The following ASXL3 variants were observed in gnomAD, a reference collection of about 807,000 sequenced individuals.
ASXL3 encodes the protein putative Polycomb group protein ASXL3.
Under a neutral mutation model 170.6 loss-of-function variants are expected in ASXL3, and 34 were observed. The observed-to-expected ratio is 0.20, with a 90% CI of 0.15 to 0.27. The LOEUF is 0.27. ASXL3 is among the 10% of genes least tolerant of loss of function. The pLI, the probability that ASXL3 is intolerant of heterozygous loss-of-function variation, is 1.00. For synonymous variants in ASXL3, 1,002 were observed against 989.1 expected (o/e 1.01, Z -0.24); for missense variants, 2,592 against 2,695.3 (o/e 0.96, Z 0.85).
chr18:33,695,706 C>T (rs1247198867), intron 8 of ASXL3, among the ~76,000 whole-genome samples: 1 of 152,076 alleles, frequency 6.6e-6, no homozygotes, highest in East Asian at 1.9e-4. Flanking sequence ...CACAAAATCA[C>T]TTAACCTGAA....
In ASXL3 at chr18:33,743,649, T is replaced by C. The variant is rs759044957; in HGVS notation, c.3801T>C (p.Val1267=). 3.1e-6 allele frequency: 5 copies of C among 1,613,654 alleles called. No homozygotes were observed. The highest frequency in any genetic ancestry group is 1.3e-5 in the African/African-American group (1 of 74,928). Residue 1267 remains valine, a synonymous_variant, in exon 12 of 12, where the codon GTT becomes GTC. Coordinates refer to ENST00000269197, the MANE Select transcript of ASXL3 (RefSeq NM_030632.3). ...SVDKSSVLMS[V]DSANTTISAC... ...ATAAATCCTCTGTCCTAATGTCTGT[T>C]GACAGTGCAAACACTACAATTTCTG...
chr18:33,736,867 A>G (rs1400339416), intron 10 of ASXL3, among the ~76,000 whole-genome samples: 1 of 152,170 alleles, frequency 6.6e-6, no homozygotes, highest in Non-Finnish European at 1.5e-5. Flanking sequence ...AAATGTTGAC[A>G]TGGGTATATT....
chr18:33,727,018 T>A (rs1018253970), intron 8 of ASXL3, among the ~76,000 whole-genome samples: 12 of 152,194 alleles, frequency 7.9e-5, no homozygotes, highest in Non-Finnish European at 1.6e-4. Flanking sequence ...CTCAAATGTC[T>A]CTTATTAATT....
chr18:33,674,652 C>G (rs1352124614), intron 7 of ASXL3, among the ~76,000 whole-genome samples: 1 of 150,910 alleles, frequency 6.6e-6, no homozygotes, highest in Admixed American at 6.6e-5. Flanking sequence ...GAGTCTCGCT[C>G]TGTCGCTCCA....
intron 8 of ASXL3, among the ~76,000 whole-genome samples, chr18:33,701,049 C>CT (rs113402420): frequency 1.3e-3 from 193 of 148,182 alleles, no homozygotes; most frequent in Middle Eastern, 3.5e-3. Context: ...TGTTTTTTGT[C>CT]TTTTTTTTTT....
intron 2 of ASXL3, among the ~76,000 whole-genome samples, chr18:33,638,736 A>T (rs1456587555): frequency 6.6e-6 from 1 of 152,168 alleles, no homozygotes; most frequent in African/African-American, 2.4e-5. Flanking sequence ...AATCTCAGTC[A>T]TGTCTATAAA....
intron 2 of ASXL3, 110 bp downstream of exon 2, chr18:33,607,786 A>T: frequency 2.5e-6 from 2 of 803,154 alleles, no homozygotes; most frequent in Non-Finnish European, 3.9e-6. Context: ...TTGTGAATTA[A>T]CTCCCCACAA....
chr18:33,744,553 T>C lies in ASXL3; in HGVS notation c.4705T>C (p.Leu1569=). Residue 1569 remains leucine (L), a synonymous_variant, in exon 12 of 12, where the codon TTA becomes CTA. Coordinates refer to ENST00000269197, the MANE Select transcript of ASXL3 (RefSeq NM_030632.3). ...LRELPLVPDK[L]NEPTAPSHNF... ...AGAATTACCCCTTGTTCCAGATAAA[T>C]TAAATGAGCCGACTGCTCCCAGTCA... is the stretch of plus-strand genomic sequence containing the variant. 6.2e-7 allele frequency: 1 copy of C among 1,611,738 alleles called. No individual in the cohort carries two copies. Among genetic ancestry groups the C allele is most frequent in the South Asian group, 1.1e-5 (1 of 90,814 alleles).
intron 11 of ASXL3, among the ~76,000 whole-genome samples, chr18:33,740,843 A>T (rs2067650127): frequency 6.6e-6 from 1 of 151,890 alleles, no homozygotes; most frequent in Non-Finnish European, 1.5e-5. Context: ...ATTTTTTCTA[A>T]GTTTCTGCTC....
In ASXL3 at chr18:33,745,913, C is replaced by CG. The variant is rs2067776759; in HGVS notation, c.6065_6066insG (p.Pro2023SerfsTer25). The CG allele has an allele frequency of 1.3e-6, 2 of 1,578,964 alleles. No individual in the cohort carries two copies. The highest frequency in any genetic ancestry group is 1.7e-6 in the Non-Finnish European group (2 of 1,165,378). On this transcript the variant is annotated frameshift_variant, in exon 12 of 12. Transcript: ENST00000269197. LOFTEE classifies it high-confidence loss of function. Reference sequence around the variant, plus strand: ...CTAGTACATCCGCCGCCGCCACCGCCTCCCCCTCCCCCTCCACCCTTGGCT... The same window carrying CG: ...CTAGTACATCCGCCGCCGCCACCGCCGTCCCCCTCCCCCTCCACCCTTGGCT...
intron 8 of ASXL3, among the ~76,000 whole-genome samples, chr18:33,691,749 T>C (rs2066690044): frequency 6.6e-6 from 1 of 152,128 alleles, no homozygotes; most frequent in Admixed American, 6.6e-5. Context: ...GTCTGTAAGA[T>C]TTAGAGAAGG....
At chr18:33,711,844 A>AT (rs1411108133) in intron 8 of ASXL3, among the ~76,000 whole-genome samples, 3 of 152,188 alleles carry the variant, frequency 2.0e-5, no homozygotes, top group Admixed American at 2.0e-4. Context: ...AATCACTTAT[A>AT]TATCACTCAG....
At chr18:33,702,264 C>G (rs1206298840) in intron 8 of ASXL3, among the ~76,000 whole-genome samples, 1 of 152,046 alleles carries the variant, frequency 6.6e-6, no homozygotes, top group Non-Finnish European at 1.5e-5. Flanking sequence ...TTTCCAGTTT[C>G]TTTGCATATC....
In ASXL3 at chr18:33,673,214, A is replaced by G. The variant is rs577006749; in HGVS notation, c.715+1348A>G. On this transcript the variant is annotated intron_variant, in intron 7 of 11. Transcript: ENST00000269197. ...ATTTAAACATCTGCGGCCTTTAGTT[A>G]AAAACAGCTACCAACCTCTGTAAAG... 2.0e-5 allele frequency among the ~76,000 whole-genome samples: 3 copies of G among 152,322 alleles called. No individual in the cohort carries two copies. The East Asian group carries it at 5.8e-4, about 29-fold the overall frequency.
At chr18:33,672,899 A>G (rs1476113580) in intron 7 of ASXL3, among the ~76,000 whole-genome samples, 4 of 152,156 alleles carry the variant, frequency 2.6e-5, no homozygotes. Flanking sequence ...TTTAAATAAG[A>G]GACCTTTAGG....
rs1257744904 is a variant in ASXL3 at position 33,745,554 on chromosome 18, C to T, written c.5706C>T (p.Pro1902=). ...TCAAACAGCAAAAGCGGCTGCTCCC[C>T]TCGTGTAGCTTCCAGCAGAACCTAT... ...PEVKQQKRLL[P]SCSFQQNLFH... The change falls in exon 12 of 12, where the codon CCC becomes CCT. Residue 1902 remains proline, a synonymous_variant. Coordinates refer to ENST00000269197, the MANE Select transcript of ASXL3 (RefSeq NM_030632.3). The T allele has an allele frequency of 3.7e-6, 6 of 1,613,872 alleles. No homozygotes were observed. Among genetic ancestry groups the T allele is most frequent in the Middle Eastern group, 1.6e-4 (1 of 6,084 alleles).
intron 5 of ASXL3, among the ~76,000 whole-genome samples, chr18:33,662,829 G>GT (rs938087361): frequency 2.0e-4 from 30 of 152,054 alleles, no homozygotes; most frequent in African/African-American, 7.2e-4. Context: ...CTAAAATAGA[G>GT]TTTTTTTAAG....
chr18:33,743,097 C>G lies in ASXL3; in HGVS notation c.3249C>G (p.Val1083=). The G allele has an allele frequency of 6.2e-7, 1 of 1,613,692 alleles. No individual in the cohort carries two copies. Among genetic ancestry groups the G allele is most frequent in the Admixed American group, 1.7e-5 (1 of 60,014 alleles). The change falls in exon 12 of 12, where the codon GTC becomes GTG. Residue 1083 remains valine (V), a synonymous_variant. Coordinates refer to ENST00000269197, the MANE Select transcript of ASXL3 (RefSeq NM_030632.3). The stretch of plus-strand genomic sequence containing the variant: ...CTGTGGCTGCTGCAGCGAGCATTGT[C>G]TCTGGAGCCATGGGAAGTCCAGGAG... ...AAAVAAAASI[V]SGAMGSPGEG...
At position 33,746,793 on chromosome 18, in the gene ASXL3, T is replaced by TGTC; in HGVS notation, c.*199_*201dup. The stretch of plus-strand genomic sequence containing the variant: ...ATCCCAACTGAATGGCTCACTGGCA[T>TGTC]GTCTTTTATGTGTTCAGTTGCCATT... On this transcript the variant is annotated 3_prime_UTR_variant, in exon 12 of 12. Coordinates refer to ENST00000269197, the MANE Select transcript of ASXL3 (RefSeq NM_030632.3). The TGTC allele has an allele frequency of 1.2e-6, 1 of 812,898 alleles. No homozygotes were observed. Among genetic ancestry groups the TGTC allele is most frequent in the Non-Finnish European group, 1.8e-6 (1 of 563,192 alleles). The allele number at this position is 812,898 out of a possible 1,614,324, so 50.4% of individuals were successfully genotyped here.
Sources: gnomAD v4.1 joint callset for allele counts (sites outside exome capture counted in the v4.1 genomes callset) on GRCh38, gnomAD v4.1.1 for gene constraint, MANE v1.5 for transcripts, NCBI Gene and HGNC (gene_info 2026-07-23, HGNC 2026-07-21) for gene names.